Variants in CBR4 observed in about 807,000 individuals in gnomAD.
The protein encoded by CBR4 is 3-oxoacyl-[acyl-carrier-protein] reductase.
In CBR4, 22 loss-of-function variants were observed where a neutral mutation model predicts 21.0. The observed-to-expected ratio is 1.05, with a 90% CI of 0.75 to 1.50. The LOEUF is 1.50. Among genes scored for constraint, CBR4 ranks in the 40% most tolerant of loss-of-function variants. The pLI is 0.00. For missense variants in CBR4, 302 were observed against 286.3 expected, an observed-to-expected ratio of 1.05 and a Z score of -0.40; for synonymous variants, 100 against 104.4, an observed-to-expected ratio of 0.96 and a Z score of 0.26.
At chr4:169,002,882 C>T (rs1195633930) in intron 3 of CBR4, among the ~76,000 whole-genome samples, 1 of 151,924 alleles carries the variant, frequency 6.6e-6, no homozygotes, top group Non-Finnish European at 1.5e-5. Context: ...AATTTTCATA[C>T]CATCTTAAAT....
chr4:168,902,182 G>A (rs1217192086), intron 2 of CBR4, among the ~76,000 whole-genome samples: 1 of 152,148 alleles, frequency 6.6e-6, no homozygotes, highest in Non-Finnish European at 1.5e-5. Context: ...GTCAGTTTAT[G>A]TTACCAATTT....
intron 4 of CBR4, 87 bp downstream of exon 4, chr4:169,001,984 C>T: frequency 1.7e-6 from 2 of 1,195,512 alleles, no homozygotes; most frequent in Non-Finnish European, 2.3e-6. Flanking sequence ...CTATTCTACC[C>T]AGATGTCAAT....
At chr4:168,901,524 G>A (rs1025695396) in intron 2 of CBR4, among the ~76,000 whole-genome samples, 4 of 152,184 alleles carry the variant, frequency 2.6e-5, no homozygotes, top group African/African-American at 9.7e-5. Flanking sequence ...CAAAAGGGAA[G>A]AAATTGTATA....
intron 2 of CBR4, among the ~76,000 whole-genome samples, chr4:168,951,974 G>A (rs1578926644): frequency 6.6e-6 from 1 of 152,166 alleles, no homozygotes; most frequent in Non-Finnish European, 1.5e-5. Context: ...TAGCAAGGCT[G>A]GGGAAGTTTT....
chr4:168,933,195 A>G (rs1763015271), intron 2 of CBR4, among the ~76,000 whole-genome samples: 1 of 152,204 alleles, frequency 6.6e-6, no homozygotes. Context: ...AATAAATTAA[A>G]TTCCCCAATT....
At chr4:168,964,862 T>C (rs1229074748) in intron 2 of CBR4, among the ~76,000 whole-genome samples, 2 of 152,156 alleles carry the variant, frequency 1.3e-5, no homozygotes, top group Admixed American at 1.3e-4. Context: ...TGAACCAGAC[T>C]CTAAGGCTTA....
chr4:168,925,060 G>T lies in CBR4; in HGVS notation n.170-30295C>A, dbSNP rs1762304292. 6.2e-7 allele frequency: 1 copy of T among 1,614,080 alleles called. No homozygotes were observed. Among genetic ancestry groups the T allele is most frequent in the Non-Finnish European group, 8.5e-7 (1 of 1,179,978 alleles). On this transcript the variant is annotated intron_variant and non_coding_transcript_variant, in intron 2 of 3. Coordinates refer to the CBR4 transcript ENST00000509108. The stretch of plus-strand genomic sequence containing the variant: ...TGAAGCAGGGATTGTGTCCTGTACT[G>T]CCAGGCTGGACGTTTACAGTGAGTG...
At chr4:168,919,408 C>A (rs1760952359) in intron 2 of CBR4, among the ~76,000 whole-genome samples, 2 of 151,938 alleles carry the variant, frequency 1.3e-5, no homozygotes, top group African/African-American at 2.4e-5. Flanking sequence ...GCCTGTAATC[C>A]CAGCTACTCA....
At chr4:168,966,436 A>G (rs1249280556) in intron 2 of CBR4, among the ~76,000 whole-genome samples, 1 of 149,998 alleles carries the variant, frequency 6.7e-6, no homozygotes, top group Non-Finnish European at 1.5e-5. Flanking sequence ...CTGAGGCAGG[A>G]GAATGGTGTG....
Position 168,923,350 on chromosome 4 carries a change from G to A in CBR4, n.170-28585C>T, listed in dbSNP as rs149471792. On this transcript the variant is annotated intron_variant and non_coding_transcript_variant, in intron 2 of 3. Transcript: ENST00000509108. Reference sequence around the variant, plus strand: ...TTCATCCTTTTTGAGCTCTTTCCTAGCTGCTTTGCTGTGATATATCTGTCA... The same window carrying A: ...TTCATCCTTTTTGAGCTCTTTCCTAACTGCTTTGCTGTGATATATCTGTCA... Among the ~76,000 whole-genome samples, 8 of 152,302 alleles carry A rather than the reference G, an allele frequency of 5.3e-5. No homozygotes were observed. The East Asian group carries it at 1.5e-3, about 29-fold the overall frequency.
chr4:168,929,095 C>G (rs990053984), intron 2 of CBR4, among the ~76,000 whole-genome samples: 1 of 151,838 alleles, frequency 6.6e-6, no homozygotes, highest in Non-Finnish European at 1.5e-5. Flanking sequence ...AGTGCCATGA[C>G]GTACAAGGAT....
intron 2 of CBR4, among the ~76,000 whole-genome samples, chr4:168,924,652 C>CT (rs1762227317): frequency 6.6e-6 from 1 of 152,124 alleles, no homozygotes; most frequent in Non-Finnish European, 1.5e-5. Context: ...GTTTATCATT[C>CT]TATCTAAAAG....
intron 2 of CBR4, among the ~76,000 whole-genome samples, chr4:168,895,758 T>C (rs1377925956): frequency 6.6e-6 from 1 of 152,214 alleles, no homozygotes; most frequent in African/African-American, 2.4e-5. Context: ...CAAACCTGTG[T>C]TGTTCAAAGA....
intron 4 of CBR4, among the ~76,000 whole-genome samples, chr4:169,000,309 G>A (rs983999958): frequency 6.6e-5 from 10 of 151,502 alleles, no homozygotes; most frequent in Admixed American, 2.6e-4. Context: ...GCAAATAGAT[G>A]TATCTGAACC....
chr4:169,004,691 T>G (rs2126865404), intron 3 of CBR4, among the ~76,000 whole-genome samples: 1 of 152,332 alleles, frequency 6.6e-6, no homozygotes, highest in East Asian at 1.9e-4. Flanking sequence ...TTTATTCCGG[T>G]GGAGCAGAAC....
intron 2 of CBR4, chr4:168,927,611 C>CAAGA: frequency 4.4e-6 from 1 of 228,074 alleles, no homozygotes; most frequent in East Asian, 6.2e-5. Context: ...TCAAAGACAC[C>CAAGA]AAGATGTGGT....
At chr4:168,952,809 G>A (rs545408397) in intron 2 of CBR4, among the ~76,000 whole-genome samples, 25 of 152,302 alleles carry the variant, frequency 1.6e-4, no homozygotes, top group Non-Finnish European at 2.6e-4. Context: ...CACCTGTTCC[G>A]GTAGAGGTGG....
chr4:168,896,684 C>A, intron 2 of CBR4: 1 of 750,768 alleles, frequency 1.3e-6, no homozygotes, highest in South Asian at 1.6e-5. Flanking sequence ...GTGTTTCTAT[C>A]TTTTCTGCCA....
At chr4:168,970,293 C>G (rs1401925919) in intron 2 of CBR4, among the ~76,000 whole-genome samples, 1 of 151,986 alleles carries the variant, frequency 6.6e-6, no homozygotes, top group African/African-American at 2.4e-5. Flanking sequence ...CCGCCACACC[C>G]CAGAATCAGA....
Sources: allele counts gnomAD v4.1 joint callset (sites outside exome capture counted in the v4.1 genomes callset), GRCh38; gene constraint gnomAD v4.1.1; transcripts MANE v1.5; gene names NCBI Gene and HGNC (gene_info 2026-07-23, HGNC 2026-07-21).